Variants in PCLO observed in about 807,000 individuals in gnomAD.
The protein encoded by PCLO is piccolo presynaptic cytomatrix protein, also known as protein piccolo.
In PCLO, 82 loss-of-function variants were observed where a neutral mutation model predicts 427.5. The ratio of observed to expected loss-of-function variants is 0.19; its 90% CI spans 0.16 to 0.23. The LOEUF (loss-of-function observed/expected upper bound fraction) is 0.23, where lower values mean the gene tolerates loss of function less well. Among genes scored for constraint, PCLO ranks in the 10% least tolerant of loss-of-function variants. The pLI is 1.00. For missense variants in PCLO, 6,239 were observed against 6,115.9 expected, an observed-to-expected ratio of 1.02 and a Z score of -0.67; for synonymous variants, 2,357 against 2,155.4, an observed-to-expected ratio of 1.09 and a Z score of -2.59.
rs767738466 is a variant in PCLO, at chr7:82,846,570, C to T, written c.13828G>A (p.Ala4610Thr). 6.2e-7 allele frequency: 1 copy of T among 1,602,308 alleles called. No individual in the cohort carries two copies. Among genetic ancestry groups the T allele is most frequent in the Non-Finnish European group, 8.5e-7 (1 of 1,171,622 alleles). Residue 4610 changes from alanine (A) to threonine (T), a missense_variant, in exon 12 of 25, where the codon GCT becomes ACT. Physicochemically the swap from Ala to Thr is moderately conservative, Grantham distance 58 (BLOSUM62 0). This residue lies in a region of PCLO where 877 missense variants were observed against 925.5 expected (regional missense o/e 0.95). Coordinates refer to ENST00000333891, the MANE Select transcript of PCLO (RefSeq NM_033026.6). ...AAACTAGATTTCTTTTACCTACCAG[C>T]TTTTGGTGGCTCATGAAGTTCCAGA... ...QHLELHEPPK[A>T]VDKAKSPGVD...
chr7:82,817,665 C>T (rs892497431), intron 20 of PCLO, among the ~76,000 whole-genome samples: 5 of 152,146 alleles, frequency 3.3e-5, no homozygotes, highest in African/African-American at 7.2e-5. Flanking sequence ...TTATTGAAAG[C>T]GGAGTTTCCA....
rs1792288152 is a variant in PCLO at position 83,156,026 on chromosome 7, T to A, written c.615A>T (p.Gly205=). ...VVQKEQGKPE[G]IIKPPLQQQP... is the part of the protein sequence containing the mutation. ...GTTGTTGTAAAGGAGGTTTTATGAT[T>A]CCTTCAGGTTTTCCTTGCTCCTTCT... The change falls in exon 2 of 25, where the codon GGA becomes GGT. Residue 205 remains glycine, a synonymous_variant. Coordinates refer to ENST00000333891, the MANE Select transcript of PCLO (RefSeq NM_033026.6). The A allele has an allele frequency of 3.1e-6, 5 of 1,613,640 alleles. No homozygotes were observed. Among genetic ancestry groups the A allele is most frequent in the Non-Finnish European group, 4.2e-6 (5 of 1,179,814 alleles).
chr7:82,761,016 A>G (rs1354796516), intron 23 of PCLO, among the ~76,000 whole-genome samples: 1 of 136,398 alleles, frequency 7.3e-6, no homozygotes, highest in Non-Finnish European at 1.5e-5. Flanking sequence ...CAGTGGCCAG[A>G]TAACTCACTT....
At chr7:83,007,834 T>G (rs370946402) in intron 3 of PCLO, among the ~76,000 whole-genome samples, 1 of 151,560 alleles carries the variant, frequency 6.6e-6, no homozygotes, top group East Asian at 1.9e-4. Flanking sequence ...TTCAGAGAGT[T>G]GTTATTAGGA....
At chr7:82,917,506 A>C (rs1794496167) in intron 6 of PCLO, among the ~76,000 whole-genome samples, 1 of 152,088 alleles carries the variant, frequency 6.6e-6, no homozygotes, top group African/African-American at 2.4e-5. Flanking sequence ...ATCAGATAAA[A>C]GTATAAAGTT....
intron 3 of PCLO, among the ~76,000 whole-genome samples, chr7:83,012,698 T>G (rs1056340188): frequency 5.6e-5 from 8 of 141,780 alleles, no homozygotes; most frequent in Admixed American, 5.6e-4. Context: ...ATATTCATAA[T>G]CAATTAACCT....
intron 3 of PCLO, among the ~76,000 whole-genome samples, chr7:83,043,917 T>TTTC (rs1562935972): frequency 1.6e-5 from 1 of 61,928 alleles, no homozygotes; most frequent in East Asian, 2.5e-4. Context: ...ATTTTCTTTT[T>TTTC]TTTTTTTTTT....
intron 3 of PCLO, among the ~76,000 whole-genome samples, chr7:82,984,551 T>C (rs1044760120): frequency 6.6e-6 from 1 of 151,818 alleles, no homozygotes; most frequent in African/African-American, 2.4e-5. Flanking sequence ...ACACTGTCAT[T>C]ATTGTAATAA....
At chr7:83,102,160 T>G (rs1489441869) in intron 3 of PCLO, among the ~76,000 whole-genome samples, 2 of 152,022 alleles carry the variant, frequency 1.3e-5, no homozygotes, top group African/African-American at 2.4e-5. Flanking sequence ...TCACTTGATG[T>G]GCCTGTGAGA....
intron 3 of PCLO, among the ~76,000 whole-genome samples, chr7:83,033,802 A>T (rs1788728822): frequency 6.6e-6 from 1 of 152,108 alleles, no homozygotes; most frequent in African/African-American, 2.4e-5. Flanking sequence ...TAAATTTGGT[A>T]GACATGTTTC....
At chr7:83,081,334 A>G (rs750313528) in intron 3 of PCLO, among the ~76,000 whole-genome samples, 8 of 151,976 alleles carry the variant, frequency 5.3e-5, no homozygotes, top group Non-Finnish European at 8.8e-5. Context: ...ATGTACATGT[A>G]TTCCATACAG....
chr7:82,761,781 C>G (rs1408139002), intron 22 of PCLO, among the ~76,000 whole-genome samples: 2 of 151,934 alleles, frequency 1.3e-5, no homozygotes, highest in Non-Finnish European at 2.9e-5. Context: ...AGTGAAGAAT[C>G]TTATGGGTAG....
rs1286620111 is a variant in PCLO, at chr7:83,038,039, T to TTA, written c.3301-71554_3301-71553dup. Among the ~76,000 whole-genome samples, 7 of 23,368 alleles carry TTA rather than the reference T, an allele frequency of 3.0e-4. No homozygotes were observed. The East Asian group carries it at 0.011, about 38-fold the overall frequency. The allele number at this position is 23,368 out of a possible 152,430, so 15.3% of individuals were successfully genotyped here. A position where few individuals can be genotyped will look rare whatever the true frequency, so the allele number is the denominator to read the frequency against. ...TATATATATATATATATTTATATAT[T>TTA]TATATATATATCTTTATATATATAT... is the stretch of plus-strand genomic sequence containing the variant. On this transcript the variant is annotated intron_variant, in intron 3 of 24. Transcript: ENST00000333891.
At chr7:82,992,000 ATCT>A (rs1485147652) in intron 3 of PCLO, among the ~76,000 whole-genome samples, 1 of 152,148 alleles carries the variant, frequency 6.6e-6, no homozygotes, top group African/African-American at 2.4e-5. Flanking sequence ...GGACTCAGAC[ATCT>A]TCTTTTGCCT....
At chr7:82,992,489 G>A (rs1278530801) in intron 3 of PCLO, among the ~76,000 whole-genome samples, 1 of 152,088 alleles carries the variant, frequency 6.6e-6, no homozygotes, top group African/African-American at 2.4e-5. Flanking sequence ...AGACAGACAA[G>A]CCTGGGTACC....
At chr7:83,078,779 G>A (rs1210045016) in intron 3 of PCLO, among the ~76,000 whole-genome samples, 2 of 152,092 alleles carry the variant, frequency 1.3e-5, no homozygotes, top group Admixed American at 1.3e-4. Context: ...CTGGCAATCC[G>A]CCTGCCTCGG....
At chr7:82,890,789 T>C (rs941808903) in intron 9 of PCLO, among the ~76,000 whole-genome samples, 2 of 152,008 alleles carry the variant, frequency 1.3e-5, no homozygotes, top group African/African-American at 4.8e-5. Flanking sequence ...TTGTAGATTT[T>C]CATTATAAAC....
At chr7:82,864,342 A>T (rs1337305351) in intron 10 of PCLO, among the ~76,000 whole-genome samples, 1 of 152,128 alleles carries the variant, frequency 6.6e-6, no homozygotes, top group African/African-American at 2.4e-5. Context: ...GAGTAGGAAC[A>T]TCATGAACAA....
Position 82,955,177 on chromosome 7 carries a change from G to A in PCLO, c.5776C>T (p.His1926Tyr). 1.2e-6 allele frequency: 2 copies of A among 1,613,754 alleles called. No homozygotes were observed. Among genetic ancestry groups the A allele is most frequent in the African/African-American group, 1.3e-5 (1 of 75,028 alleles). ...GCAGCTGGAAAAGCTTTGTATTTGT[G>A]TGTTTTATGCATCATTTCTTCATAC... ...EMYEEMMHKTHKYKAFPAANE... is the reference protein window; with the variant it reads ...EMYEEMMHKTYKYKAFPAANE... The change falls in exon 5 of 25, where the codon CAC becomes TAC. Residue 1926 changes from histidine (H) to tyrosine (Y), a missense_variant. His to Tyr is a moderately conservative substitution (Grantham distance 83). Transcript: ENST00000333891.
Sources: allele counts gnomAD v4.1 joint callset (sites outside exome capture counted in the v4.1 genomes callset), GRCh38; gene constraint gnomAD v4.1.1; regional missense constraint gnomAD v4.1.1; transcripts MANE v1.5; gene names NCBI Gene and HGNC (gene_info 2026-07-23, HGNC 2026-07-21).